Variants in MARVELD2 observed in about 807,000 individuals in gnomAD.
MARVELD2 encodes MARVEL domain containing 2, also known as MARVEL domain-containing protein 2.
A neutral mutation model predicts 57.6 loss-of-function variants in MARVELD2; 49 were observed. That is an observed-to-expected ratio of 0.85 (90% confidence interval 0.68 to 1.08). The LOEUF is 1.08. Ranked by LOEUF, MARVELD2 falls within the 50% of genes least tolerant of loss-of-function variation. The pLI is 0.00. For missense variants in MARVELD2, 606 were observed against 701.1 expected (o/e 0.86, Z 1.53); for synonymous variants, 238 against 258.8 (o/e 0.92, Z 0.77).
chr5:69,419,371 G>A lies in MARVELD2; in HGVS notation c.-15G>A, dbSNP rs373371842. On this transcript the variant is annotated splice_region_variant and 5_prime_UTR_variant, in exon 2 of 7. It adds an upstream start codon to the 5' untranslated region. Coordinates refer to ENST00000325631, the MANE Select transcript of MARVELD2 (RefSeq NM_001038603.3). Reference sequence around the variant, plus strand: ...GTGATAACTTTAAATTTGGCCACAGGTGTGAAAATCACAAATGTCAAATGA... The same window carrying A: ...GTGATAACTTTAAATTTGGCCACAGATGTGAAAATCACAAATGTCAAATGA... The A allele has an allele frequency of 1.5e-5, 24 of 1,614,028 alleles. No homozygotes were observed. Among genetic ancestry groups the A allele is most frequent in the African/African-American group, 6.7e-5 (5 of 74,930 alleles).
At chr5:69,434,407 T>A (rs299072) in intron 5 of MARVELD2, among the ~76,000 whole-genome samples, 72,039 of 150,332 alleles carry the variant, frequency 0.48, 17,361 homozygotes, top group South Asian at 0.53. Flanking sequence ...TGCAGTGAGC[T>A]GTGATTTTGT....
chr5:69,432,896 AT>A (rs760527837), intron 4 of MARVELD2, 25 bp from the exon 5 acceptor site: 3 of 1,613,940 alleles, frequency 1.9e-6, no homozygotes, highest in Admixed American at 3.3e-5. Flanking sequence ...AAACAATTAT[AT>A]CTTTGGCTTA....
intron 6 of MARVELD2, among the ~76,000 whole-genome samples, chr5:69,440,937 A>G (rs1392234863): frequency 6.6e-6 from 1 of 152,096 alleles, no homozygotes; most frequent in Non-Finnish European, 1.5e-5. Context: ...TACAAGCATT[A>G]GCCGGTAGTG....
intron 2 of MARVELD2, among the ~76,000 whole-genome samples, chr5:69,421,428 T>C (rs2150916433): frequency 6.6e-6 from 1 of 152,308 alleles, no homozygotes; most frequent in Non-Finnish European, 1.5e-5. Flanking sequence ...GTTAACTATA[T>C]TATGAATTTT....
chr5:69,430,381 T>A lies in MARVELD2; in HGVS notation c.1183-2146T>A, dbSNP rs187823896. Among the ~76,000 whole-genome samples, 96 of 151,982 alleles carry A rather than the reference T, an allele frequency of 6.3e-4. 2 individuals carry two copies. Among genetic ancestry groups the A allele is most frequent in the Admixed American group, 4.1e-3 (62 of 15,218 alleles). Reference sequence around the variant, plus strand: ...GACTCTGTCTCAAGAAAAAATATATTTTTTTAATTTTTTTTGTAGAGACAG... The same window carrying A: ...GACTCTGTCTCAAGAAAAAATATATATTTTTAATTTTTTTTGTAGAGACAG... On this transcript the variant is annotated intron_variant, in intron 3 of 6. Transcript: ENST00000325631.
In MARVELD2 at chr5:69,432,909, GTTTTTCCCCTAGAA is replaced by G. The variant is rs763937140; in HGVS notation, c.1332-12_1333del. 1 of 1,614,162 alleles carries G rather than the reference GTTTTTCCCCTAGAA, an allele frequency of 6.2e-7. No homozygotes were observed. Among genetic ancestry groups the G allele is most frequent in the South Asian group, 1.1e-5 (1 of 91,088 alleles). On this transcript the variant is annotated splice_acceptor_variant and splice_polypyrimidine_tract_variant and coding_sequence_variant and intron_variant, in exon 5 of 7. Coordinates refer to ENST00000325631, the MANE Select transcript of MARVELD2 (RefSeq NM_001038603.3). LOFTEE classifies it high-confidence loss of function. Reference sequence around the variant, plus strand: ...TGAAACAATTATATCTTTGGCTTATGTTTTTCCCCTAGAAAATACCCTGTGATTCAGACAGATGA... The same window carrying G: ...TGAAACAATTATATCTTTGGCTTATGAATACCCTGTGATTCAGACAGATGA...
At chr5:69,440,268 G>T (rs934473365) in intron 5 of MARVELD2, among the ~76,000 whole-genome samples, 182 bp from the exon 6 acceptor site, 2 of 152,070 alleles carry the variant, frequency 1.3e-5, no homozygotes, top group Non-Finnish European at 2.9e-5. Context: ...CTCTTTTATC[G>T]CCTGGGCCTA....
chr5:69,443,883 C>T lies in MARVELD2; in HGVS notation c.*2229C>T, dbSNP rs9885314. On this transcript the variant is annotated 3_prime_UTR_variant, in exon 7 of 7. Coordinates refer to ENST00000325631, the MANE Select transcript of MARVELD2 (RefSeq NM_001038603.3). ...CATGGCTTTGTAGGCTGTGCTGTGT[C>T]TGAAGGGGTAACACCTAGGGAAACA... The T allele has an allele frequency of 6.6e-6, 1 of 151,610 alleles. No individual in the cohort carries two copies. Among genetic ancestry groups the T allele is most frequent in the African/African-American group, 2.4e-5 (1 of 41,288 alleles). 9.4% of individuals were successfully genotyped at this position (151,610 alleles called of 1,614,324 possible).
chr5:69,420,606 G>A (rs1766599333), intron 2 of MARVELD2, 75 bp downstream of exon 2: 4 of 1,377,752 alleles, frequency 2.9e-6, no homozygotes, highest in Admixed American at 1.7e-5. Context: ...GTTAAAAAAT[G>A]TATAGCGCTC....
At chr5:69,417,163 C>G (rs1490960398) in intron 1 of MARVELD2, among the ~76,000 whole-genome samples, 1 of 152,218 alleles carries the variant, frequency 6.6e-6, no homozygotes, top group Non-Finnish European at 1.5e-5. Flanking sequence ...TGATAATGGC[C>G]TGGCTTCCTC....
chr5:69,417,783 C>T (rs1766474926), intron 1 of MARVELD2, among the ~76,000 whole-genome samples: 1 of 151,680 alleles, frequency 6.6e-6, no homozygotes, highest in African/African-American at 2.4e-5. Flanking sequence ...ACTAAAAATA[C>T]AAAAAATTAG....
At chr5:69,418,502 T>C (rs560174012) in intron 1 of MARVELD2, among the ~76,000 whole-genome samples, 2 of 152,304 alleles carry the variant, frequency 1.3e-5, no homozygotes, top group African/African-American at 4.8e-5. Flanking sequence ...CTCGAAAGAG[T>C]AATAGTAATG....
intron 3 of MARVELD2, among the ~76,000 whole-genome samples, chr5:69,431,911 A>G (rs1766976664): frequency 7.3e-6 from 1 of 137,608 alleles, no homozygotes; most frequent in African/African-American, 2.8e-5. Flanking sequence ...ATCACAGCTC[A>G]CTGTAACCTC....
At position 69,440,452 on chromosome 5, in the gene MARVELD2, A is replaced by G. The variant is rs1453233434; in HGVS notation, c.1506A>G (p.Glu502=). ...AGTATACAATGTATTATTTTTAGGA[A>G]CATGAGAGAATTTCAAGAATCCATG... is the stretch of plus-strand genomic sequence containing the variant. The part of the protein sequence containing the change: ...RLPHHSESRQ[E]HERISRIHEE... The change falls in exon 6 of 7, where the codon GAA becomes GAG. Residue 502 remains glutamate (E), a splice_region_variant and synonymous_variant. Coordinates refer to ENST00000325631, the MANE Select transcript of MARVELD2 (RefSeq NM_001038603.3). The G allele has an allele frequency of 4.3e-6, 6 of 1,394,568 alleles. No homozygotes were observed. The highest frequency in any genetic ancestry group is 6.1e-6 in the Non-Finnish European group (6 of 985,266). The allele number at this position is 1,394,568 out of a possible 1,614,324, so 86.4% of individuals were successfully genotyped here.
chr5:69,442,798 G>C lies in MARVELD2; in HGVS notation c.*1144G>C, dbSNP rs1767362645. The C allele has an allele frequency of 6.6e-6, 1 of 150,532 alleles. No individual in the cohort carries two copies. The highest frequency in any genetic ancestry group is 2.4e-5 in the African/African-American group (1 of 40,990). The allele number at this position is 150,532 out of a possible 1,614,324, so 9.3% of individuals were successfully genotyped here. ...TCTCCCCATAGTCCAGCCTGCCCTG[G>C]ACACATTGAATTGTATGAATGGTAT... On this transcript the variant is annotated 3_prime_UTR_variant, in exon 7 of 7. Coordinates refer to ENST00000325631, the MANE Select transcript of MARVELD2 (RefSeq NM_001038603.3).
At chr5:69,420,719 G>A (rs1002192640) in intron 2 of MARVELD2, among the ~76,000 whole-genome samples, 188 bp downstream of exon 2, 2 of 151,406 alleles carry the variant, frequency 1.3e-5, no homozygotes, top group African/African-American at 4.9e-5. Context: ...TGCTTTGACT[G>A]GGATAACCCA....
chr5:69,424,492 G>A, intron 2 of MARVELD2, 109 bp from the exon 3 acceptor site: 1 of 882,538 alleles, frequency 1.1e-6, no homozygotes, highest in South Asian at 1.4e-5. Context: ...GTCAAGTAGA[G>A]GATCAACCTC....
chr5:69,422,765 G>A (rs1360561607), intron 2 of MARVELD2, among the ~76,000 whole-genome samples: 5 of 152,046 alleles, frequency 3.3e-5, no homozygotes, highest in African/African-American at 7.3e-5. Context: ...CTGGTTTTAC[G>A]GCTCGGGGGC....
At chr5:69,415,414 G>A (rs1766367292) in intron 1 of MARVELD2, 1 of 152,230 alleles carries the variant, frequency 6.6e-6, no homozygotes, top group African/African-American at 2.4e-5. Flanking sequence ...GGGCGATCTC[G>A]GTGCTCCTTA....
Sources: allele counts gnomAD v4.1 joint callset (sites outside exome capture counted in the v4.1 genomes callset), GRCh38; gene constraint gnomAD v4.1.1; transcripts MANE v1.5; gene names NCBI Gene and HGNC (gene_info 2026-07-23, HGNC 2026-07-21).